The following R3HCC1L variants were observed in gnomAD, a reference collection of about 807,000 sequenced individuals.
The protein encoded by R3HCC1L is R3H domain and coiled-coil containing 1 like.
A neutral mutation model predicts 59.9 loss-of-function variants in R3HCC1L; 51 were observed. The observed-to-expected ratio is 0.85, with a 90% CI of 0.68 to 1.07. The LOEUF is 1.07. Ranked by LOEUF, R3HCC1L falls within the 50% of genes least tolerant of loss-of-function variation. The pLI, the probability that R3HCC1L is intolerant of heterozygous loss-of-function variation, is 0.00. For synonymous variants in R3HCC1L, 322 were observed against 315.2 expected (o/e 1.02, Z -0.23); for missense variants, 965 against 933.0 (o/e 1.03, Z -0.45).
intron 4 of R3HCC1L, among the ~76,000 whole-genome samples, chr10:98,180,066 CT>C (rs2134546021): frequency 6.6e-6 from 1 of 152,178 alleles, no homozygotes; most frequent in East Asian, 1.9e-4. Context: ...TTCAGTTTTG[CT>C]CTGATCTTAG....
chr10:98,240,673 T>G (rs188626770), intron 9 of R3HCC1L, among the ~76,000 whole-genome samples: 1 of 152,374 alleles, frequency 6.6e-6, no homozygotes, highest in Admixed American at 6.5e-5. Context: ...TCTGAAAACC[T>G]TCTTTAGACT....
At chr10:98,152,225 G>A (rs1270301201) in intron 1 of R3HCC1L, among the ~76,000 whole-genome samples, 1 of 152,246 alleles carries the variant, frequency 6.6e-6, no homozygotes, top group Non-Finnish European at 1.5e-5. Flanking sequence ...GAGGTGCCGG[G>A]ATTGCAGACG....
intron 4 of R3HCC1L, chr10:98,174,894 A>G: frequency 3.6e-6 from 2 of 562,352 alleles, no homozygotes; most frequent in Non-Finnish European, 4.5e-6. Context: ...GAATTGCCAG[A>G]TTACCTTGGC....
chr10:98,207,666 T>C (rs746506298), intron 4 of R3HCC1L, among the ~76,000 whole-genome samples: 2 of 152,018 alleles, frequency 1.3e-5, no homozygotes, highest in African/African-American at 4.8e-5. Flanking sequence ...AATCACTTTA[T>C]GTGTATGTAT....
intron 4 of R3HCC1L, among the ~76,000 whole-genome samples, chr10:98,181,192 T>G (rs1849588838): frequency 6.6e-6 from 1 of 152,228 alleles, no homozygotes. Flanking sequence ...CCATGTTTGG[T>G]GCTTCCTTTA....
At chr10:98,163,202 A>G (rs1847612489) in intron 3 of R3HCC1L, 91 bp from the exon 4 acceptor site, 3 of 378,380 alleles carry the variant, frequency 7.9e-6, no homozygotes, top group Non-Finnish European at 1.4e-5. Flanking sequence ...TAGATTTACA[A>G]AGTGAGACAA....
At chr10:98,203,042 C>T (rs1852223385) in intron 4 of R3HCC1L, among the ~76,000 whole-genome samples, 1 of 152,118 alleles carries the variant, frequency 6.6e-6, no homozygotes, top group South Asian at 2.1e-4. Context: ...AAGGACATTA[C>T]AGGATCGCTT....
chr10:98,243,905 T>TA (rs1857809794), intron 9 of R3HCC1L, among the ~76,000 whole-genome samples, 186 bp from the exon 10 acceptor site: 1 of 152,232 alleles, frequency 6.6e-6, no homozygotes, highest in Admixed American at 6.5e-5. Context: ...TGTAATGACT[T>TA]ACAGTAGTAT....
intron 4 of R3HCC1L, among the ~76,000 whole-genome samples, chr10:98,179,395 G>A (rs1849390976): frequency 6.6e-6 from 1 of 152,052 alleles, no homozygotes; most frequent in African/African-American, 2.4e-5. Flanking sequence ...AACCAGCCTT[G>A]CATCCCAGGG....
chr10:98,194,062 C>T (rs1851147670), intron 4 of R3HCC1L, among the ~76,000 whole-genome samples: 1 of 152,090 alleles, frequency 6.6e-6, no homozygotes. Flanking sequence ...CTGGAGGCCT[C>T]ACACTTCCTG....
chr10:98,175,397 A>G (rs903470438), intron 4 of R3HCC1L, among the ~76,000 whole-genome samples: 1 of 152,138 alleles, frequency 6.6e-6, no homozygotes, highest in Non-Finnish European at 1.5e-5. Context: ...GCAGTTGTGT[A>G]ACTCCCACAC....
At chr10:98,198,549 G>GAA (rs35603748) in intron 4 of R3HCC1L, among the ~76,000 whole-genome samples, 67 of 147,250 alleles carry the variant, frequency 4.6e-4, no homozygotes, top group Middle Eastern at 3.6e-3. Context: ...TCGTTTTCAG[G>GAA]AAAAAAAAAA....
Position 98,209,751 on chromosome 10 carries a change from C to T in R3HCC1L, c.1637C>T (p.Pro546Leu), listed in dbSNP as rs1853327292. The change falls in exon 5 of 10, where the codon CCT becomes CTT. Residue 546 changes from proline (P) to leucine (L), a missense_variant. By Grantham distance (98) the Pro-to-Leu change is moderately conservative (BLOSUM62 -3). Transcript: ENST00000298999. ...SGSIEFGVSF[P>L]DRESSSMETS... The stretch of plus-strand genomic sequence containing the variant: ...AGTATAGAATTTGGTGTATCTTTTC[C>T]TGATAGGGAATCATCATCTATGGAA... 6.2e-7 allele frequency: 1 copy of T among 1,613,726 alleles called. No individual in the cohort carries two copies. Among genetic ancestry groups the T allele is most frequent in the Middle Eastern group, 1.6e-4 (1 of 6,082 alleles).
chr10:98,203,058 A>G (rs1852224136), intron 4 of R3HCC1L, among the ~76,000 whole-genome samples: 1 of 152,160 alleles, frequency 6.6e-6, no homozygotes, highest in Non-Finnish European at 1.5e-5. Context: ...CGCTTGACAA[A>G]ACTGGATTAC....
intron 4 of R3HCC1L, among the ~76,000 whole-genome samples, chr10:98,183,778 G>A (rs777540070): frequency 1.6e-4 from 25 of 152,090 alleles, no homozygotes; most frequent in East Asian, 9.7e-4. Flanking sequence ...TAGCATTTCC[G>A]TTTGATTTCT....
chr10:98,234,208 A>G (rs754008480), intron 6 of R3HCC1L, among the ~76,000 whole-genome samples: 8 of 152,230 alleles, frequency 5.3e-5, no homozygotes, highest in Non-Finnish European at 8.8e-5. Flanking sequence ...GTTGATGTCT[A>G]TAAAATGGCT....
chr10:98,230,476 G>T (rs1292815749), intron 5 of R3HCC1L, among the ~76,000 whole-genome samples: 1 of 151,274 alleles, frequency 6.6e-6, no homozygotes, highest in African/African-American at 2.4e-5. Context: ...TCTCTTCTTT[G>T]TTAATCTTGC....
chr10:98,176,151 A>T (rs527546162), intron 4 of R3HCC1L, among the ~76,000 whole-genome samples: 8 of 152,062 alleles, frequency 5.3e-5, no homozygotes, highest in African/African-American at 1.9e-4. Flanking sequence ...CCTTTCTCCA[A>T]TGTGACACTT....
At position 98,209,621 on chromosome 10, in the gene R3HCC1L, A is replaced by G. The variant is rs753583463; in HGVS notation, c.1507A>G (p.Ser503Gly). The G allele has an allele frequency of 1.9e-6, 3 of 1,614,080 alleles. No individual in the cohort carries two copies. The highest frequency in any genetic ancestry group is 4.5e-5 in the East Asian group (2 of 44,866). Residue 503 changes from serine (S) to glycine (G), a missense_variant, in exon 5 of 10, where the codon AGT becomes GGT. Transcript: ENST00000298999. ...AAATGGGACAAAAGTTCTTTCAGAC[A>G]GTGCCGTGGGCATTGACCTGGGTAG... ...MLNGTKVLSD[S>G]AVGIDLGSTG...
Sources: gnomAD v4.1 joint callset for allele counts (sites outside exome capture counted in the v4.1 genomes callset) on GRCh38, gnomAD v4.1.1 for gene constraint, MANE v1.5 for transcripts, NCBI Gene and HGNC (gene_info 2026-07-23, HGNC 2026-07-21) for gene names.